Variants in ABCA8 observed in about 807,000 individuals in gnomAD.
ABCA8 encodes the protein ABC-type organic anion transporter ABCA8.
A neutral mutation model predicts 192.3 loss-of-function variants in ABCA8; 177 were observed. The ratio of observed to expected loss-of-function variants is 0.92; its 90% CI spans 0.81 to 1.04. The LOEUF is 1.04. Among genes scored for constraint, ABCA8 ranks in the 50% least tolerant of loss-of-function variants. ABCA8 has a pLI of 0.00. For synonymous variants in ABCA8, 642 were observed against 690.2 expected (o/e 0.93, Z 1.09); for missense variants, 1,915 against 1,904.8 (o/e 1.01, Z -0.10).
At chr17:68,884,617 G>T in intron 27 of ABCA8, 1 of 1,230,584 alleles carries the variant, frequency 8.1e-7, no homozygotes. Flanking sequence ...ATCACCTGGC[G>T]AGAGAATCCT....
At chr17:68,899,477 G>C (rs2066852303) in intron 21 of ABCA8, among the ~76,000 whole-genome samples, 1 of 151,918 alleles carries the variant, frequency 6.6e-6, no homozygotes, top group Non-Finnish European at 1.5e-5. Flanking sequence ...AGACAAAATA[G>C]ATGAAAACAA....
chr17:68,901,441 C>T (rs905419159), intron 21 of ABCA8, among the ~76,000 whole-genome samples: 15 of 152,100 alleles, frequency 9.9e-5, no homozygotes, highest in South Asian at 2.1e-4. Context: ...TTGACATACA[C>T]GATGATGCAT....
At chr17:68,902,576 ATTATCT>A (rs1306981810) in intron 21 of ABCA8, 131 bp downstream of exon 21, 15 of 665,786 alleles carry the variant, frequency 2.3e-5, no homozygotes, top group Admixed American at 7.2e-5. Flanking sequence ...GCCTGTATTT[ATTATCT>A]TTAAGTTTCA....
intron 31 of ABCA8, 88 bp from the exon 32 acceptor site, chr17:68,881,299 A>T: frequency 1.1e-6 from 1 of 934,894 alleles, no homozygotes; most frequent in South Asian, 1.5e-5. Flanking sequence ...TGTGACAAGC[A>T]TTTGCTATTA....
intron 5 of ABCA8, among the ~76,000 whole-genome samples, chr17:68,934,780 T>G (rs1276798514): frequency 6.6e-6 from 1 of 152,212 alleles, no homozygotes. Context: ...TAAAGTTGGA[T>G]AGGTGTTCTC....
intron 17 of ABCA8, 132 bp from the exon 18 acceptor site, chr17:68,908,011 C>T: frequency 1.2e-6 from 1 of 867,578 alleles, no homozygotes; most frequent in Non-Finnish European, 1.6e-6. Flanking sequence ...GTCAGACAAA[C>T]ACAAAATAAG....
chr17:68,908,023 G>A (rs1228611860), intron 17 of ABCA8, 144 bp from the exon 18 acceptor site: 1 of 763,776 alleles, frequency 1.3e-6, no homozygotes. Flanking sequence ...CAAAATAAGA[G>A]GACAAAAACC....
At chr17:68,895,735 C>T (rs2066735514) in intron 21 of ABCA8, among the ~76,000 whole-genome samples, 1 of 152,148 alleles carries the variant, frequency 6.6e-6, no homozygotes, top group Non-Finnish European at 1.5e-5. Flanking sequence ...ACGGGAGGGG[C>T]TTCCCATCGA....
intron 13 of ABCA8, 30 bp downstream of exon 13, chr17:68,921,352 T>TA (rs749549307): frequency 3.6e-4 from 530 of 1,473,646 alleles, no homozygotes; most frequent in South Asian, 5.1e-4. Flanking sequence ...AAGTATAATT[T>TA]AAAAAAAAAG....
chr17:68,895,371 T>A (rs779509496), intron 21 of ABCA8, among the ~76,000 whole-genome samples: 3 of 152,102 alleles, frequency 2.0e-5, no homozygotes, highest in Non-Finnish European at 4.4e-5. Context: ...ATTAATTAAT[T>A]TTCAAAATTT....
chr17:68,951,295 A>G (rs1478809929), intron 1 of ABCA8, among the ~76,000 whole-genome samples: 1 of 152,100 alleles, frequency 6.6e-6, no homozygotes. Flanking sequence ...GTGACTTTTT[A>G]TTTTTGATTT....
chr17:68,915,075 T>G (rs994064776), intron 17 of ABCA8, among the ~76,000 whole-genome samples: 14 of 152,132 alleles, frequency 9.2e-5, no homozygotes, highest in Non-Finnish European at 1.6e-4. Flanking sequence ...GAAAACTGGA[T>G]ATCCATATGC....
intron 24 of ABCA8, among the ~76,000 whole-genome samples, chr17:68,890,794 C>T (rs1317997664): frequency 2.6e-5 from 4 of 152,232 alleles, no homozygotes; most frequent in South Asian, 2.1e-4. Context: ...GCTGAGATTA[C>T]AGGCGTGAGC....
chr17:68,944,316 TTATATATA>T (rs1177610587), intron 2 of ABCA8, among the ~76,000 whole-genome samples: 75 of 29,286 alleles, frequency 2.6e-3, no homozygotes, highest in South Asian at 7.7e-3. Context: ...GAACTTAAAG[TTATATATA>T]TATATATATA....
chr17:68,912,559 A>C (rs1308296589), intron 17 of ABCA8, among the ~76,000 whole-genome samples: 1 of 152,184 alleles, frequency 6.6e-6, no homozygotes, highest in Non-Finnish European at 1.5e-5. Context: ...AGAACATTCC[A>C]TGCAAATAGA....
At chr17:68,905,543 A>G (rs9302995) in intron 19 of ABCA8, among the ~76,000 whole-genome samples, 2,585 of 152,298 alleles carry the variant, frequency 0.017, 81 homozygotes, top group African/African-American at 0.057. Context: ...CAGTCTGAAC[A>G]CAAGAGAATA....
chr17:68,890,886 C>A (rs1365296569), intron 24 of ABCA8, among the ~76,000 whole-genome samples: 5 of 152,120 alleles, frequency 3.3e-5, no homozygotes, highest in African/African-American at 7.2e-5. Flanking sequence ...TTCAAGTTAT[C>A]TTTTTTAAAA....
intron 13 of ABCA8, among the ~76,000 whole-genome samples, chr17:68,920,763 G>A (rs8068633): frequency 3.3e-5 from 5 of 151,680 alleles, no homozygotes; most frequent in African/African-American, 1.2e-4. Flanking sequence ...GACTGTAAAC[G>A]AGTTCAACCA....
chr17:68,916,903 T>C (rs1238993427), intron 17 of ABCA8, among the ~76,000 whole-genome samples: 1 of 152,234 alleles, frequency 6.6e-6, no homozygotes, highest in African/African-American at 2.4e-5. Context: ...CAGATCAATA[T>C]CTCTTACATA....
Sources: gnomAD v4.1 joint callset for allele counts (sites outside exome capture counted in the v4.1 genomes callset) on GRCh38, gnomAD v4.1.1 for gene constraint, MANE v1.5 for transcripts, NCBI Gene and HGNC (gene_info 2026-07-23, HGNC 2026-07-21) for gene names.